The following LHPP variants were observed in gnomAD, a reference collection of about 807,000 sequenced individuals.
LHPP encodes the protein phospholysine phosphohistidine inorganic pyrophosphate phosphatase.
Under a neutral mutation model 30.3 loss-of-function variants are expected in LHPP, and 24 were observed. The observed-to-expected ratio is 0.79, with a 90% CI of 0.57 to 1.11. The LOEUF is 1.11. Ranked by LOEUF, LHPP falls within the 50% of genes most tolerant of loss-of-function variation. LHPP has a pLI of 0.00. For missense variants in LHPP, 356 were observed against 367.2 expected (o/e 0.97, Z 0.25); for synonymous variants, 150 against 157.1 (o/e 0.95, Z 0.34).
intron 5 of LHPP, among the ~76,000 whole-genome samples, chr10:124,515,879 T>C (rs577014937): frequency 6.6e-6 from 1 of 152,278 alleles, no homozygotes; most frequent in African/African-American, 2.4e-5. Flanking sequence ...GCTCAGGGAG[T>C]TTCCTCCCTC....
rs1194944853 is a variant in LHPP, at chr10:124,590,436, C to T, written c.717-22828C>T. ...CCCAGAATTCTGAGTTGAGTTCCGACGCAGGCGTGGGCGATGGTGAGCAAC... is the reference window on the plus strand; with the variant it reads ...CCCAGAATTCTGAGTTGAGTTCCGATGCAGGCGTGGGCGATGGTGAGCAAC... On this transcript the variant is annotated intron_variant, in intron 6 of 6. Transcript: ENST00000368842. This position sits in a 1 kb window ranked among gnomAD's most constrained non-coding sequence, Gnocchi z 4.3. 3.3e-5 allele frequency among the ~76,000 whole-genome samples: 5 copies of T among 152,242 alleles called. No individual in the cohort carries two copies. In the South Asian group the frequency reaches 8.3e-4, roughly 25 times the overall value.
intron 1 of LHPP, among the ~76,000 whole-genome samples, chr10:124,469,249 C>T (rs1010000364): frequency 6.6e-6 from 1 of 152,094 alleles, no homozygotes; most frequent in African/African-American, 2.4e-5. Flanking sequence ...GTGGCAGCTC[C>T]CGGCACCATG....
At chr10:124,470,875 C>T (rs962403379) in intron 1 of LHPP, among the ~76,000 whole-genome samples, 7 of 152,076 alleles carry the variant, frequency 4.6e-5, no homozygotes, top group South Asian at 2.1e-4. Flanking sequence ...GGGTGTTTGT[C>T]GAGAACGTGC....
intron 6 of LHPP, among the ~76,000 whole-genome samples, chr10:124,532,827 A>G (rs911468882): frequency 3.3e-5 from 5 of 152,188 alleles, no homozygotes; most frequent in African/African-American, 7.2e-5. Context: ...AACTGTCCCT[A>G]TGGCCCCTAT....
intron 2 of LHPP, among the ~76,000 whole-genome samples, chr10:124,486,837 G>A (rs1953343446): frequency 6.6e-6 from 1 of 152,266 alleles, no homozygotes; most frequent in African/African-American, 2.4e-5. Context: ...AGAGAGCAGG[G>A]CCCGAGGCCT....
intron 6 of LHPP, among the ~76,000 whole-genome samples, chr10:124,554,681 A>G (rs1233247645): frequency 6.6e-6 from 1 of 152,198 alleles, no homozygotes; most frequent in African/African-American, 2.4e-5. Context: ...GGGCGGGGCC[A>G]GGTGGGCTGT....
chr10:124,506,313 A>G (rs1385196435), intron 5 of LHPP, among the ~76,000 whole-genome samples: 1 of 124,154 alleles, frequency 8.1e-6, no homozygotes, highest in East Asian at 2.7e-4. Context: ...GTGTTTTTGG[A>G]CTGGGTCATT....
intron 6 of LHPP, among the ~76,000 whole-genome samples, chr10:124,539,850 T>C (rs1245572133): frequency 6.6e-6 from 1 of 151,956 alleles, no homozygotes; most frequent in Middle Eastern, 3.2e-3. Flanking sequence ...TGCATTGAGC[T>C]GAGATTGCAC....
chr10:124,534,576 T>C (rs542811540), intron 6 of LHPP, among the ~76,000 whole-genome samples: 96 of 152,346 alleles, frequency 6.3e-4, no homozygotes, highest in Admixed American at 2.4e-3. Flanking sequence ...CACCCCTGCA[T>C]GCTTCCTTCC....
chr10:124,524,428 C>T (rs919429200), intron 6 of LHPP, among the ~76,000 whole-genome samples: 2 of 151,982 alleles, frequency 1.3e-5, no homozygotes, highest in Non-Finnish European at 2.9e-5. Flanking sequence ...AGCCACGCAC[C>T]ACCATGCCCA....
At position 124,510,379 on chromosome 10, in the gene LHPP, G is replaced by A. The variant is rs2133900652; in HGVS notation, c.625-6801G>A. On this transcript the variant is annotated intron_variant, in intron 5 of 6. Transcript: ENST00000368842. This position sits in a 1 kb window ranked among gnomAD's most constrained non-coding sequence, Gnocchi z 4.0. ...GCCTGGACAGGCATCACTGCTCCAG[G>A]CAGCTGTGCACCCAGCCGGCCCTGG... Among the ~76,000 whole-genome samples the A allele has an allele frequency of 6.6e-6, 1 of 152,366 alleles. No homozygotes were observed. Among genetic ancestry groups the A allele is most frequent in the Admixed American group, 6.5e-5 (1 of 15,310 alleles).
intron 6 of LHPP, among the ~76,000 whole-genome samples, chr10:124,607,149 A>C (rs7898631): frequency 0.93 from 140,702 of 152,096 alleles, 65,272 homozygotes; most frequent in East Asian, 1. Context: ...TCCGCTCTGT[A>C]CCCACTGCCG....
chr10:124,495,761 T>C (rs1564788331), intron 3 of LHPP, among the ~76,000 whole-genome samples: 1 of 152,222 alleles, frequency 6.6e-6, no homozygotes, highest in Non-Finnish European at 1.5e-5. Context: ...AGGTTATTTA[T>C]AATAATATTC....
At chr10:124,580,273 A>T (rs529473421) in intron 6 of LHPP, among the ~76,000 whole-genome samples, 1 of 152,302 alleles carries the variant, frequency 6.6e-6, no homozygotes, top group Admixed American at 6.5e-5. Flanking sequence ...ATATAATCAG[A>T]TGTATTAATC....
chr10:124,536,948 C>G (rs1027978886), intron 6 of LHPP, among the ~76,000 whole-genome samples: 10 of 152,058 alleles, frequency 6.6e-5, no homozygotes, highest in Admixed American at 3.9e-4. Flanking sequence ...GGCTCCCCGA[C>G]CTCTCCAGCA....
At chr10:124,534,690 G>A (rs560157526) in intron 6 of LHPP, among the ~76,000 whole-genome samples, 4 of 152,332 alleles carry the variant, frequency 2.6e-5, no homozygotes, top group African/African-American at 7.2e-5. Flanking sequence ...CGTCCTTCCC[G>A]CCCGGTGCCT....
At chr10:124,610,317 T>C (rs148669382) in intron 6 of LHPP, among the ~76,000 whole-genome samples, 1,625 of 20,596 alleles carry the variant, frequency 0.079, 20 homozygotes, top group African/African-American at 0.19. Context: ...GGTGCGGGTG[T>C]GGGTGCGGGT....
At chr10:124,534,733 C>T (rs1292624934) in intron 6 of LHPP, among the ~76,000 whole-genome samples, 1 of 152,192 alleles carries the variant, frequency 6.6e-6, no homozygotes, top group Non-Finnish European at 1.5e-5. Context: ...GGGCTTCGGG[C>T]TGGGGCCCTG....
At chr10:124,462,050 G>A in intron 1 of LHPP, 63 bp downstream of exon 1, 1 of 1,181,826 alleles carries the variant, frequency 8.5e-7, no homozygotes, top group Non-Finnish European at 1.0e-6. Flanking sequence ...CTCCCTGGCT[G>A]CCGGCAGGGG....
Sources: allele counts gnomAD v4.1 joint callset (sites outside exome capture counted in the v4.1 genomes callset), GRCh38; gene constraint gnomAD v4.1.1; non-coding constraint Gnocchi (gnomAD v3.1); transcripts MANE v1.5; gene names NCBI Gene and HGNC (gene_info 2026-07-23, HGNC 2026-07-21).